LRRTM4: variants seen among roughly 807,000 people sequenced by gnomAD.
LRRTM4 encodes the protein leucine-rich repeat transmembrane neuronal protein 4.
In LRRTM4, 25 loss-of-function variants were observed where a neutral mutation model predicts 47.6. The ratio of observed to expected loss-of-function variants is 0.53; its 90% CI spans 0.38 to 0.73. LRRTM4 has a LOEUF of 0.73. LRRTM4 is among the 30% of genes least tolerant of loss of function. The pLI, the probability that LRRTM4 is intolerant of heterozygous loss-of-function variation, is 0.00. For missense variants in LRRTM4, 638 were observed against 713.4 expected, an observed-to-expected ratio of 0.89 and a Z score of 1.20; for synonymous variants, 311 against 269.5, an observed-to-expected ratio of 1.15 and a Z score of -1.51.
chr2:77,003,796 T>C (rs781252028), intron 3 of LRRTM4, among the ~76,000 whole-genome samples: 33 of 152,142 alleles, frequency 2.2e-4, no homozygotes, highest in Admixed American at 3.3e-4. Flanking sequence ...TTGCAACAGA[T>C]TGGAGGGCTC....
chr2:77,125,989 A>T (rs977480040), intron 3 of LRRTM4, among the ~76,000 whole-genome samples: 2 of 151,276 alleles, frequency 1.3e-5, no homozygotes, highest in Non-Finnish European at 3.0e-5. Flanking sequence ...TAGACTGACC[A>T]TACATATATA....
chr2:76,821,313 T>G (rs1041521234), intron 3 of LRRTM4, among the ~76,000 whole-genome samples: 2 of 151,652 alleles, frequency 1.3e-5, no homozygotes, highest in East Asian at 3.9e-4. Flanking sequence ...AAAAAGTGAT[T>G]TAAAAATGCA....
intron 3 of LRRTM4, among the ~76,000 whole-genome samples, chr2:77,299,271 AC>A (rs1220019913): frequency 3.7e-5 from 3 of 81,896 alleles, no homozygotes; most frequent in Admixed American, 3.0e-4. Context: ...ACACACACAC[AC>A]ACACACACAC....
intron 3 of LRRTM4, among the ~76,000 whole-genome samples, chr2:77,415,983 C>T (rs1478943174): frequency 6.6e-6 from 1 of 151,986 alleles, no homozygotes; most frequent in Non-Finnish European, 1.5e-5. Context: ...TGACCAAAAT[C>T]CTATGTAGTA....
intron 3 of LRRTM4, among the ~76,000 whole-genome samples, chr2:77,039,358 T>G (rs1285747819): frequency 6.6e-6 from 1 of 150,396 alleles, no homozygotes; most frequent in Non-Finnish European, 1.5e-5. Flanking sequence ...GCAAATCAGA[T>G]GATAATATGA....
At chr2:76,915,506 G>C (rs550992374) in intron 3 of LRRTM4, among the ~76,000 whole-genome samples, 3 of 152,292 alleles carry the variant, frequency 2.0e-5, no homozygotes, top group East Asian at 3.9e-4. Flanking sequence ...CATATTACTA[G>C]AGTTAATGGT....
intron 3 of LRRTM4, among the ~76,000 whole-genome samples, chr2:76,822,966 T>A (rs1407292522): frequency 1.3e-5 from 2 of 151,432 alleles, no homozygotes; most frequent in African/African-American, 2.4e-5. Flanking sequence ...GCACAAAACC[T>A]TTCTAAAATG....
chr2:76,863,027 A>T (rs934668989), intron 3 of LRRTM4, among the ~76,000 whole-genome samples: 10 of 152,182 alleles, frequency 6.6e-5, no homozygotes, highest in Non-Finnish European at 1.0e-4. Context: ...CCACACCAGA[A>T]TTCAAAATTG....
chr2:76,971,704 A>T (rs539467476), intron 3 of LRRTM4, among the ~76,000 whole-genome samples: 3 of 152,164 alleles, frequency 2.0e-5, no homozygotes, highest in South Asian at 4.1e-4. Context: ...AACTGTATTA[A>T]TTGTATTTAA....
intron 3 of LRRTM4, among the ~76,000 whole-genome samples, chr2:76,836,159 TAA>T (rs11361011): frequency 0.34 from 49,891 of 146,006 alleles, 8,555 homozygotes; most frequent in Middle Eastern, 0.49. Flanking sequence ...TAGTATGCGG[TAA>T]AAAAAAAAAA....
chr2:77,443,658 T>G (rs1022809597), intron 3 of LRRTM4, among the ~76,000 whole-genome samples: 3 of 152,150 alleles, frequency 2.0e-5, no homozygotes, highest in African/African-American at 7.2e-5. Flanking sequence ...GAAGCATTTT[T>G]AATTCCATGG....
At chr2:77,128,075 A>G (rs571899158) in intron 3 of LRRTM4, among the ~76,000 whole-genome samples, 47 of 151,878 alleles carry the variant, frequency 3.1e-4, no homozygotes, top group African/African-American at 1.1e-3. Flanking sequence ...CCCAGGAGGC[A>G]GAGGTTGCAG....
At chr2:77,054,748 A>G (rs1451046460) in intron 3 of LRRTM4, among the ~76,000 whole-genome samples, 1 of 152,178 alleles carries the variant, frequency 6.6e-6, no homozygotes, top group Non-Finnish European at 1.5e-5. Flanking sequence ...CCACAGGCTG[A>G]CCTCTGTTTT....
chr2:76,951,361 G>A (rs1032915025), intron 3 of LRRTM4, among the ~76,000 whole-genome samples: 3 of 151,750 alleles, frequency 2.0e-5, no homozygotes, highest in South Asian at 2.1e-4. Context: ...TCTAGGTATC[G>A]GAGTCTATAA....
At chr2:77,136,110 C>A (rs1390624562) in intron 3 of LRRTM4, among the ~76,000 whole-genome samples, 1 of 152,024 alleles carries the variant, frequency 6.6e-6, no homozygotes, top group African/African-American at 2.4e-5. Context: ...GCATTTCCAA[C>A]TGAGCTTTGA....
At chr2:77,364,372 T>G (rs1558708529) in intron 3 of LRRTM4, among the ~76,000 whole-genome samples, 1 of 152,196 alleles carries the variant, frequency 6.6e-6, no homozygotes, top group East Asian at 1.9e-4. Flanking sequence ...TTAAAGGACT[T>G]AGAGAACTAC....
intron 3 of LRRTM4, among the ~76,000 whole-genome samples, chr2:77,410,011 T>C (rs1364524854): frequency 6.6e-6 from 1 of 152,172 alleles, no homozygotes; most frequent in Non-Finnish European, 1.5e-5. Flanking sequence ...ATAGAAGTCA[T>C]GATTTCACTG....
intron 3 of LRRTM4, among the ~76,000 whole-genome samples, chr2:77,512,727 T>C (rs1679067863): frequency 6.6e-6 from 1 of 152,102 alleles, no homozygotes; most frequent in Admixed American, 6.6e-5. Flanking sequence ...TTACATTTTA[T>C]AAACACAGAA....
At chr2:76,948,703 A>T (rs752948177) in intron 3 of LRRTM4, among the ~76,000 whole-genome samples, 5 of 151,868 alleles carry the variant, frequency 3.3e-5, no homozygotes, top group Non-Finnish European at 5.9e-5. Flanking sequence ...GATTAATAAT[A>T]TTACAATAGC....
Sources: allele counts gnomAD v4.1 joint callset (sites outside exome capture counted in the v4.1 genomes callset), GRCh38; gene constraint gnomAD v4.1.1; transcripts MANE v1.5; gene names NCBI Gene and HGNC (gene_info 2026-07-23, HGNC 2026-07-21).